Variants in DCP1A observed in about 807,000 individuals in gnomAD.
DCP1A encodes decapping mRNA 1A, also known as mRNA-decapping enzyme 1A.
Under a neutral mutation model 58.0 loss-of-function variants are expected in DCP1A, and 20 were observed. The observed-to-expected ratio is 0.34, with a 90% CI of 0.24 to 0.50. The LOEUF is 0.50. DCP1A is among the 20% of genes least tolerant of loss of function. The probability of loss-of-function intolerance (pLI) is 0.98; values close to 1 mark genes in which losing one functional copy is unlikely to be tolerated. For missense variants in DCP1A, 613 were observed against 712.2 expected (o/e 0.86, Z 1.59); for synonymous variants, 285 against 275.1 (o/e 1.04, Z -0.36).
At chr3:53,308,118 A>C (rs78525033) in intron 5 of DCP1A, among the ~76,000 whole-genome samples, 2,969 of 152,296 alleles carry the variant, frequency 0.019, 99 homozygotes, top group African/African-American at 0.067. Context: ...ACAAAGTATT[A>C]GCAGTGATTA....
chr3:53,298,461 C>G (rs1707203143), intron 6 of DCP1A, among the ~76,000 whole-genome samples: 1 of 152,146 alleles, frequency 6.6e-6, no homozygotes, highest in African/African-American at 2.4e-5. Flanking sequence ...AATGAATCAT[C>G]ATACACAGAA....
intron 3 of DCP1A, among the ~76,000 whole-genome samples, chr3:53,323,398 C>A (rs563914493): frequency 6.6e-6 from 1 of 152,188 alleles, no homozygotes; most frequent in South Asian, 2.1e-4. Context: ...CAGATCAGGG[C>A]TTTAAAAAGA....
At chr3:53,316,593 TC>T (rs1386975333) in intron 4 of DCP1A, among the ~76,000 whole-genome samples, 4 of 121,224 alleles carry the variant, frequency 3.3e-5, no homozygotes, top group East Asian at 2.1e-4. Context: ...CTTTTCTTCT[TC>T]CCTTTTTTTT....
intron 6 of DCP1A, among the ~76,000 whole-genome samples, chr3:53,293,462 C>G (rs1707000503): frequency 6.6e-6 from 1 of 152,120 alleles, no homozygotes; most frequent in Non-Finnish European, 1.5e-5. Flanking sequence ...TTTCCATAGT[C>G]AATAACCTTT....
intron 3 of DCP1A, among the ~76,000 whole-genome samples, chr3:53,337,384 C>G (rs2089135031): frequency 6.6e-6 from 1 of 152,114 alleles, no homozygotes; most frequent in East Asian, 1.9e-4. Context: ...ACTGATGTCC[C>G]TAGGATTCTT....
intron 4 of DCP1A, among the ~76,000 whole-genome samples, chr3:53,314,099 G>A (rs1553688948): frequency 6.6e-6 from 1 of 151,866 alleles, no homozygotes; most frequent in South Asian, 2.1e-4. Context: ...TCACCATGTT[G>A]CCCAGGCTGG....
At chr3:53,322,418 T>C (rs1179037309) in intron 3 of DCP1A, among the ~76,000 whole-genome samples, 4 of 150,692 alleles carry the variant, frequency 2.7e-5, no homozygotes, top group Non-Finnish European at 3.0e-5. Context: ...GCCACTGCAC[T>C]CCAGCCTGGG....
intron 1 of DCP1A, 85 bp downstream of exon 1, chr3:53,347,298 C>G: frequency 7.3e-7 from 1 of 1,370,618 alleles, no homozygotes; most frequent in South Asian, 1.6e-5. Flanking sequence ...TCTTAGTGTG[C>G]CCCCCCACCC....
At position 53,344,829 on chromosome 3, in the gene DCP1A, A is replaced by G. The variant is rs191219939; in HGVS notation, c.176+73T>C. On this transcript the variant is annotated intron_variant, in intron 2 of 9. Coordinates refer to ENST00000610213, the MANE Select transcript of DCP1A (RefSeq NM_018403.7). ...AGGACGGTTCCAAAGACAAATGTAC[A>G]AGAGAATTGAACCGTTTCACATTGT... 1.7e-3 allele frequency: 2,004 copies of G among 1,155,590 alleles called. 19 individuals carry two copies. Among genetic ancestry groups the G allele is most frequent in the Non-Finnish European group, 5.3e-4 (414 of 785,542 alleles). The allele number at this position is 1,155,590 out of a possible 1,614,324, so 71.6% of individuals were successfully genotyped here.
intron 3 of DCP1A, among the ~76,000 whole-genome samples, chr3:53,324,341 G>A (rs1266730715): frequency 6.6e-6 from 1 of 152,212 alleles, no homozygotes; most frequent in Admixed American, 6.5e-5. Context: ...CGTGCAACTG[G>A]CAAGAAAGCC....
chr3:53,311,813 C>T (rs1327040797), intron 5 of DCP1A, among the ~76,000 whole-genome samples: 1 of 152,190 alleles, frequency 6.6e-6, no homozygotes, highest in Admixed American at 6.5e-5. Context: ...AACTTCTGCA[C>T]TCCAAGACCA....
intron 7 of DCP1A, 110 bp from the exon 8 acceptor site, chr3:53,290,966 A>G: frequency 1.0e-6 from 1 of 958,066 alleles, no homozygotes; most frequent in Non-Finnish European, 1.6e-6. Context: ...GGTTAGTAAC[A>G]GAAAATGGTT....
At chr3:53,293,887 A>G (rs1406500542) in intron 6 of DCP1A, among the ~76,000 whole-genome samples, 2 of 152,164 alleles carry the variant, frequency 1.3e-5, no homozygotes, top group African/African-American at 2.4e-5. Flanking sequence ...CTGTGATGTG[A>G]AAAAAGAGGC....
Position 53,323,170 on chromosome 3 carries a change from A to G in DCP1A, c.305-3697T>C, listed in dbSNP as rs78770155. ...CATTTTCACAGTGCCTCTTTTCTTC[A>G]CAGAGTTGAGTGCTCCAAACAGAAT... On this transcript the variant is annotated intron_variant, in intron 3 of 9. Transcript: ENST00000610213. Among the ~76,000 whole-genome samples the G allele has an allele frequency of 2.1e-3, 313 of 152,288 alleles. 3 individuals are homozygous for G. Among genetic ancestry groups the G allele is most frequent in the Non-Finnish European group, 3.3e-3 (227 of 68,018 alleles).
intron 5 of DCP1A, among the ~76,000 whole-genome samples, chr3:53,311,742 A>C (rs1369010027): frequency 6.6e-6 from 1 of 152,196 alleles, no homozygotes; most frequent in Admixed American, 6.5e-5. Flanking sequence ...GAGGATCCTA[A>C]CAGAAACTGC....
In DCP1A at chr3:53,321,319, T is replaced by C. The variant is rs534159028; in HGVS notation, c.305-1846A>G. Among the ~76,000 whole-genome samples, 10 of 152,362 alleles carry C rather than the reference T, an allele frequency of 6.6e-5. 1 individual carries two copies. The highest frequency in any genetic ancestry group is 6.2e-4 in the South Asian group (3 of 4,832). On this transcript the variant is annotated intron_variant, in intron 3 of 9. Transcript: ENST00000610213. ...GACAAGTCTATGCTACTCGGTTTAA[T>C]TGGAACTTTCATTTTGCATTTTTAT...
chr3:53,294,590 C>T (rs781844885), intron 6 of DCP1A, among the ~76,000 whole-genome samples: 1 of 152,216 alleles, frequency 6.6e-6, no homozygotes, highest in Non-Finnish European at 1.5e-5. Context: ...TAATACAAGT[C>T]AAGGGAGCAA....
At chr3:53,335,193 T>C (rs549572918) in intron 3 of DCP1A, among the ~76,000 whole-genome samples, 61 of 152,022 alleles carry the variant, frequency 4.0e-4, no homozygotes, top group Middle Eastern at 3.4e-3. Context: ...TAGGCTGGAG[T>C]GCAGTGGCAT....
At chr3:53,338,585 G>C (rs2106891656) in intron 3 of DCP1A, among the ~76,000 whole-genome samples, 1 of 152,254 alleles carries the variant, frequency 6.6e-6, no homozygotes, top group African/African-American at 2.4e-5. Context: ...CTCTTGGCTG[G>C]GCGCGGTGGC....
Sources: gnomAD v4.1 joint callset for allele counts (sites outside exome capture counted in the v4.1 genomes callset) on GRCh38, gnomAD v4.1.1 for gene constraint, MANE v1.5 for transcripts, NCBI Gene and HGNC (gene_info 2026-07-23, HGNC 2026-07-21) for gene names.